SSPN: variants seen among roughly 807,000 people sequenced by gnomAD.
SSPN encodes the protein sarcospan.
In SSPN, 15 loss-of-function variants were observed where a neutral mutation model predicts 19.1. The observed-to-expected ratio is 0.78, with a 90% CI of 0.52 to 1.21. The LOEUF (loss-of-function observed/expected upper bound fraction) is 1.21. SSPN is among the 50% of genes most tolerant of loss of function. SSPN has a pLI of 0.00. For synonymous variants in SSPN, 147 were observed against 140.3 expected (o/e 1.05, Z -0.34); for missense variants, 291 against 314.0 (o/e 0.93, Z 0.55).
Position 26,163,822 on chromosome 12 carries a change from T to C in SSPN, c.-31+41670T>C, listed in dbSNP as rs142564072. ...TTAAATACTGATATGTTATATCTTA[T>C]ATAATTTAGATTACAAATCAATAAC... On this transcript the variant is annotated intron_variant, in intron 1 of 2. Coordinates refer to the SSPN transcript ENST00000538142. Among the ~76,000 whole-genome samples the C allele has an allele frequency of 1.1e-3, 169 of 152,358 alleles. 1 individual carries two copies. The highest frequency in any genetic ancestry group is 3.7e-3 in the African/African-American group (152 of 41,586).
At chr12:26,165,369 C>G (rs545631639) in intron 1 of SSPN, among the ~76,000 whole-genome samples, 1 of 152,298 alleles carries the variant, frequency 6.6e-6, no homozygotes, top group South Asian at 2.1e-4. Flanking sequence ...TTTAAGATTG[C>G]TAGCTGTGAA....
At chr12:26,186,141 T>C (rs139092876) in intron 1 of SSPN, among the ~76,000 whole-genome samples, 2 of 152,196 alleles carry the variant, frequency 1.3e-5, no homozygotes, top group East Asian at 3.9e-4. Context: ...GGATGTGTCC[T>C]GGCAGGTTTT....
rs989363152 is a variant in SSPN at position 26,124,254 on chromosome 12, C to T, written c.-31+2102C>T. The T allele has an allele frequency of 4.4e-5, 22 of 496,992 alleles. 1 individual carries two copies. In the African/African-American group the frequency reaches 5.7e-4, roughly 13 times the overall value. The allele number at this position is 496,992 out of a possible 1,614,324, so 30.8% of individuals were successfully genotyped here. Reference sequence around the variant, plus strand: ...ACTTATTGGATATTACCCTCGTCTGCCCCCCCCGCCCCCCCACCATAAAAC... The same window carrying T: ...ACTTATTGGATATTACCCTCGTCTGTCCCCCCCGCCCCCCCACCATAAAAC... On this transcript the variant is annotated intron_variant, in intron 1 of 2. Transcript: ENST00000538142.
At chr12:26,163,061 A>ATGTG (rs1209466155) in intron 1 of SSPN, among the ~76,000 whole-genome samples, 4 of 50,266 alleles carry the variant, frequency 8.0e-5, no homozygotes, top group Non-Finnish European at 1.6e-4. Flanking sequence ...GTGTGTGTGT[A>ATGTG]TGTGTGTGTG....
intron 1 of SSPN, among the ~76,000 whole-genome samples, chr12:26,187,155 T>G (rs1294775110): frequency 1.3e-5 from 2 of 152,226 alleles, no homozygotes; most frequent in African/African-American, 2.4e-5. Context: ...CTGCTCTGGC[T>G]TAGTCCTCCC....
At chr12:26,136,832 T>A (rs2137401320) in intron 1 of SSPN, among the ~76,000 whole-genome samples, 1 of 152,360 alleles carries the variant, frequency 6.6e-6, no homozygotes, top group Non-Finnish European at 1.5e-5. Context: ...TCCTTTTAAA[T>A]CATGCTATTT....
rs897665424 is a variant in SSPN at position 26,234,354 on chromosome 12, C to T, written c.*3278C>T. Reference sequence around the variant, plus strand: ...TATTTTCTAGAGATTGTCTCTGAACCGTTGCTACATAGCCATAAATTTCTG... The same window carrying T: ...TATTTTCTAGAGATTGTCTCTGAACTGTTGCTACATAGCCATAAATTTCTG... On this transcript the variant is annotated 3_prime_UTR_variant, in exon 3 of 3. Transcript: ENST00000242729. The T allele has an allele frequency of 1.3e-5, 2 of 152,158 alleles. No homozygotes were observed. The highest frequency in any genetic ancestry group is 2.4e-5 in the African/African-American group (1 of 41,430). The allele number at this position is 152,158 out of a possible 1,614,324, so 9.4% of individuals were successfully genotyped here.
At chr12:26,153,844 A>G (rs1944540016) in intron 1 of SSPN, among the ~76,000 whole-genome samples, 1 of 152,194 alleles carries the variant, frequency 6.6e-6, no homozygotes, top group Non-Finnish European at 1.5e-5. Flanking sequence ...AGTAAAGTCT[A>G]AGTTGGGAGA....
Position 26,232,568 on chromosome 12 carries a change from C to G in SSPN, c.*1492C>G, listed in dbSNP as rs991557334. The G allele has an allele frequency of 2.0e-6, 2 of 985,170 alleles. No individual in the cohort carries two copies. Among genetic ancestry groups the G allele is most frequent in the East Asian group, 1.1e-4 (1 of 8,828 alleles). 61.0% of individuals were successfully genotyped at this position (985,170 alleles called of 1,614,324 possible). A position where few individuals can be genotyped will look rare whatever the true frequency, so the allele number is the denominator to read the frequency against. ...CACTTTACTAATCATGAAATTCTAA[C>G]CTAAAAGGAAAACATTTTCCTGCTT... On this transcript the variant is annotated 3_prime_UTR_variant, in exon 3 of 3. Coordinates refer to ENST00000242729, the MANE Select transcript of SSPN (RefSeq NM_005086.5).
rs1170610200 is a variant in SSPN, at chr12:26,122,318, C to A, written c.-31+166C>A. On this transcript the variant is annotated intron_variant, in intron 1 of 2. Coordinates refer to the SSPN transcript ENST00000538142. ...CGGCGGCAGCGGCGGCGGCGGCTGC[C>A]GCGGCTGCCGCCGGGGCGGGGATGC... 1.0e-5 allele frequency: 12 copies of A among 1,169,674 alleles called. No individual in the cohort carries two copies. In the South Asian group the frequency reaches 3.0e-4, roughly 29 times the overall value. The allele number at this position is 1,169,674 out of a possible 1,614,324, so 72.5% of individuals were successfully genotyped here.
intron 1 of SSPN, among the ~76,000 whole-genome samples, chr12:26,142,216 A>G (rs1944464556): frequency 6.6e-6 from 1 of 152,192 alleles, no homozygotes; most frequent in Admixed American, 6.5e-5. Context: ...AAGGGTTTTA[A>G]GCAGTGCCAG....
At chr12:26,125,004 G>A (rs1194641292) in intron 1 of SSPN, 5 of 627,378 alleles carry the variant, frequency 8.0e-6, no homozygotes, top group Non-Finnish European at 1.4e-5. Flanking sequence ...GCCCCACTGC[G>A]CTGGTAGTTT....
intron 1 of SSPN, among the ~76,000 whole-genome samples, chr12:26,158,501 A>C (rs1250632319): frequency 6.6e-6 from 1 of 152,240 alleles, no homozygotes; most frequent in Non-Finnish European, 1.5e-5. Context: ...CTGCTTGGTC[A>C]TGGCACCTCA....
chr12:26,206,229 G>T (rs1251739046), intron 1 of SSPN, among the ~76,000 whole-genome samples: 1 of 152,112 alleles, frequency 6.6e-6, no homozygotes, highest in African/African-American at 2.4e-5. Flanking sequence ...GCTGCTTGGG[G>T]ACACTGACCT....
intron 1 of SSPN, among the ~76,000 whole-genome samples, chr12:26,222,319 T>C (rs1565693296): frequency 6.6e-6 from 1 of 152,202 alleles, no homozygotes; most frequent in African/African-American, 2.4e-5. Context: ...ACCTACAACT[T>C]GGCAGTGGAT....
intron 1 of SSPN, chr12:26,122,511 G>GCCTC: frequency 7.7e-7 from 1 of 1,302,186 alleles, no homozygotes; most frequent in Non-Finnish European, 9.9e-7. Flanking sequence ...CGGGAAGGGC[G>GCCTC]CGCCTCCGCC....
intron 1 of SSPN, among the ~76,000 whole-genome samples, chr12:26,143,782 G>T (rs529658267): frequency 1.3e-5 from 2 of 152,324 alleles, no homozygotes; most frequent in South Asian, 4.1e-4. Flanking sequence ...CGGTGGACAT[G>T]CAAGTAAAGC....
intron 1 of SSPN, among the ~76,000 whole-genome samples, chr12:26,158,944 C>A (rs536786235): frequency 6.6e-6 from 1 of 152,220 alleles, no homozygotes; most frequent in Non-Finnish European, 1.5e-5. Context: ...CCTTCCAATG[C>A]GACTGACAGC....
chr12:26,146,381 C>A (rs1406001145), intron 1 of SSPN, among the ~76,000 whole-genome samples: 1 of 152,198 alleles, frequency 6.6e-6, no homozygotes, highest in East Asian at 1.9e-4. Flanking sequence ...GTGCCCATTT[C>A]CATGTAAGAG....
Sources: allele counts gnomAD v4.1 joint callset (sites outside exome capture counted in the v4.1 genomes callset), GRCh38; gene constraint gnomAD v4.1.1; transcripts MANE v1.5; gene names NCBI Gene and HGNC (gene_info 2026-07-23, HGNC 2026-07-21).